The following DCUN1D1 variants were observed in gnomAD, a reference collection of about 807,000 sequenced individuals.
The protein encoded by DCUN1D1 is DCN1-like protein 1.
DCUN1D1 carries 3 observed loss-of-function variants against 39.0 expected under a neutral mutation model. That is an observed-to-expected ratio of 0.08 (90% CI 0.04 to 0.20). The LOEUF (loss-of-function observed/expected upper bound fraction) is 0.20. DCUN1D1 is among the 10% of genes least tolerant of loss of function. The probability of loss-of-function intolerance (pLI) is 1.00; values close to 1 mark genes in which losing one functional copy is unlikely to be tolerated. For synonymous variants in DCUN1D1, 82 were observed against 96.3 expected, an observed-to-expected ratio of 0.85 and a Z score of 0.87; for missense variants, 158 against 302.4, an observed-to-expected ratio of 0.52 and a Z score of 3.54.
At chr3:182,955,358 C>T (rs1577170468) in intron 4 of DCUN1D1, 1 of 541,144 alleles carries the variant, frequency 1.8e-6, no homozygotes, top group Admixed American at 2.0e-5. Context: ...TTTCAATATT[C>T]TCTGTTTTTC....
At chr3:182,980,576 GC>G, upstream of DCUN1D1, 1 of 1,163,516 alleles carries the variant, frequency 8.6e-7, no homozygotes, top group Non-Finnish European at 1.1e-6. Context: ...TCACGGGCTT[GC>G]CCGGCTCCCG....
upstream of DCUN1D1, among the ~76,000 whole-genome samples, chr3:182,981,422 A>G (rs1015072546): frequency 6.6e-6 from 1 of 152,244 alleles, no homozygotes; most frequent in Non-Finnish European, 1.5e-5. Context: ...GAGGAGCACT[A>G]GGATTCTGAG....
At position 182,939,188 on chromosome 3, in the gene DCUN1D1, G is replaced by A. The variant is rs1241295475; in HGVS notation, c.*5906C>T. The A allele has an allele frequency of 6.6e-6, 1 of 152,200 alleles. No homozygotes were observed. Among genetic ancestry groups the A allele is most frequent in the Non-Finnish European group, 1.5e-5 (1 of 68,042 alleles). 9.4% of individuals were successfully genotyped at this position (152,200 alleles called of 1,614,324 possible). A position where few individuals can be genotyped will look rare whatever the true frequency, so the allele number is the denominator to read the frequency against. ...ACACACATAAAGTAAATACCCGCCAGGATGGCTGCAATAAAAAAGACAAGT... is the reference window on the plus strand; with the variant it reads ...ACACACATAAAGTAAATACCCGCCAAGATGGCTGCAATAAAAAAGACAAGT... On this transcript the variant is annotated 3_prime_UTR_variant, in exon 7 of 7. Coordinates refer to ENST00000292782, the MANE Select transcript of DCUN1D1 (RefSeq NM_020640.4).
At chr3:182,961,187 A>G (rs1241701006) in intron 4 of DCUN1D1, 39 bp downstream of exon 4, 6 of 1,351,032 alleles carry the variant, frequency 4.4e-6, no homozygotes, top group African/African-American at 1.5e-5. Context: ...GTATTTGAAT[A>G]TATCTGAAAC....
rs1386515743 is a variant in DCUN1D1 at position 182,939,748 on chromosome 3, T to A, written c.*5346A>T. ...AGTAAATTTTGGGGGCTGATGGACA[T>A]GTTCTAAAATTGGACTGCACAACTC... On this transcript the variant is annotated 3_prime_UTR_variant, in exon 7 of 7. Coordinates refer to ENST00000292782, the MANE Select transcript of DCUN1D1 (RefSeq NM_020640.4). The A allele has an allele frequency of 6.6e-6, 1 of 152,170 alleles. No homozygotes were observed. The highest frequency in any genetic ancestry group is 1.5e-5 in the Non-Finnish European group (1 of 68,042). 9.4% of individuals were successfully genotyped at this position (152,170 alleles called of 1,614,324 possible). A position where few individuals can be genotyped will look rare whatever the true frequency, so the allele number is the denominator to read the frequency against.
At chr3:182,964,920 T>G (rs1394027680) in intron 2 of DCUN1D1, among the ~76,000 whole-genome samples, 1 of 152,056 alleles carries the variant, frequency 6.6e-6, no homozygotes, top group Non-Finnish European at 1.5e-5. Flanking sequence ...ATTACAGGTG[T>G]GAGCCACCAC....
chr3:182,953,984 T>A (rs1484234645), intron 4 of DCUN1D1, among the ~76,000 whole-genome samples: 1 of 152,112 alleles, frequency 6.6e-6, no homozygotes, highest in East Asian at 1.9e-4. Context: ...CTAGACCCAA[T>A]CACAGTCCCT....
rs192541239 is a variant in DCUN1D1 at position 182,938,527 on chromosome 3, T to C, written c.*6567A>G. On this transcript the variant is annotated 3_prime_UTR_variant, in exon 7 of 7. Transcript: ENST00000292782. ...AATGAAATGATTTGCTATCTGGGAT[T>C]TGCTTCAAAATAAATAGGGGTTCAA... is the stretch of plus-strand genomic sequence containing the variant. 2 of 152,324 alleles carry C rather than the reference T, an allele frequency of 1.3e-5. No individual in the cohort carries two copies. Among genetic ancestry groups the C allele is most frequent in the Admixed American group, 1.3e-4 (2 of 15,292 alleles). 9.4% of individuals were successfully genotyped at this position (152,324 alleles called of 1,614,324 possible).
chr3:182,975,851 TAAAAAA>T (rs533263687), intron 1 of DCUN1D1, among the ~76,000 whole-genome samples: 1 of 66,818 alleles, frequency 1.5e-5, no homozygotes, highest in African/African-American at 6.0e-5. Flanking sequence ...CCAGATATGC[TAAAAAA>T]AAAAAAAAAA....
At chr3:182,980,399 G>T in intron 1 of DCUN1D1, 88 bp downstream of exon 1, 2 of 964,954 alleles carry the variant, frequency 2.1e-6, no homozygotes, top group Non-Finnish European at 2.5e-6. Flanking sequence ...CTGCAGGGTC[G>T]CCGCGGGACG....
upstream of DCUN1D1, among the ~76,000 whole-genome samples, chr3:182,984,457 G>A (rs1577213587): frequency 6.6e-6 from 1 of 151,090 alleles, no homozygotes; most frequent in Non-Finnish European, 1.5e-5. Context: ...AAATATTTAA[G>A]TTAAGGCTTT....
At chr3:182,980,461 G>T in intron 1 of DCUN1D1, 26 bp downstream of exon 1, 1 of 1,155,370 alleles carries the variant, frequency 8.7e-7, no homozygotes. Context: ...AGCCGGCAGG[G>T]CGGGCGGGCG....
intron 1 of DCUN1D1, among the ~76,000 whole-genome samples, chr3:182,979,107 T>C (rs1288390404): frequency 6.6e-6 from 1 of 152,260 alleles, no homozygotes; most frequent in African/African-American, 2.4e-5. Flanking sequence ...AACTAGAAAC[T>C]GTTTAGACTG....
In DCUN1D1 at chr3:182,938,622, A is replaced by G. The variant is rs1725995434; in HGVS notation, c.*6472T>C. 1 of 152,174 alleles carries G rather than the reference A, an allele frequency of 6.6e-6. No individual in the cohort carries two copies. Among genetic ancestry groups the G allele is most frequent in the African/African-American group, 2.4e-5 (1 of 41,436 alleles). 9.4% of individuals were successfully genotyped at this position (152,174 alleles called of 1,614,324 possible). The stretch of plus-strand genomic sequence containing the variant: ...CATGTTAACATGAGTTCATTATGCA[A>G]TTGTCCTTTTACATATACCTGACAT... On this transcript the variant is annotated 3_prime_UTR_variant, in exon 7 of 7. Transcript: ENST00000292782.
chr3:182,948,059 T>A (rs1726509070), intron 4 of DCUN1D1, among the ~76,000 whole-genome samples: 3 of 152,136 alleles, frequency 2.0e-5, no homozygotes, highest in Admixed American at 6.5e-5. Context: ...CTCCATCCAC[T>A]AGATGCCAGT....
chr3:182,966,917 C>T (rs1191204153), intron 1 of DCUN1D1, among the ~76,000 whole-genome samples: 4 of 151,928 alleles, frequency 2.6e-5, no homozygotes, highest in Admixed American at 6.6e-5. Context: ...GACCAGCCTG[C>T]CCAACATGGT....
intron 1 of DCUN1D1, among the ~76,000 whole-genome samples, chr3:182,974,779 A>AATT (rs1450090261): frequency 6.7e-6 from 1 of 149,610 alleles, no homozygotes. Context: ...AAAAAAAACT[A>AATT]AATCCCATAA....
chr3:182,978,266 G>A (rs1448440174), intron 1 of DCUN1D1, among the ~76,000 whole-genome samples: 2 of 152,074 alleles, frequency 1.3e-5, no homozygotes, highest in East Asian at 3.9e-4. Context: ...AAAACTCACA[G>A]CCCCGAAACT....
intron 4 of DCUN1D1, among the ~76,000 whole-genome samples, chr3:182,959,318 G>A (rs1437307443): frequency 6.6e-6 from 1 of 151,566 alleles, no homozygotes; most frequent in Non-Finnish European, 1.5e-5. Flanking sequence ...TAACTCGTGG[G>A]GCCATACCAC....
Sources: allele counts gnomAD v4.1 joint callset (sites outside exome capture counted in the v4.1 genomes callset), GRCh38; gene constraint gnomAD v4.1.1; transcripts MANE v1.5; gene names NCBI Gene and HGNC (gene_info 2026-07-23, HGNC 2026-07-21).